Variants in PPP1R9B observed in about 807,000 individuals in gnomAD.
The protein encoded by PPP1R9B is protein phosphatase 1 regulatory subunit 9B.
A neutral mutation model predicts 75.8 loss-of-function variants in PPP1R9B; 17 were observed. That is an observed-to-expected ratio of 0.22 (90% CI 0.15 to 0.34). PPP1R9B has a LOEUF of 0.34. Ranked by LOEUF, PPP1R9B falls within the 10% of genes least tolerant of loss-of-function variation. The pLI is 1.00. For synonymous variants in PPP1R9B, 509 were observed against 535.4 expected (o/e 0.95, Z 0.68); for missense variants, 875 against 1,196.0 (o/e 0.73, Z 3.96).
rs1227347050 is a variant in PPP1R9B at position 50,150,267 on chromosome 17, C to T, written c.247G>A (p.Ala83Thr). ...EAGGGAGLAE[A>T]PRASERGVRL... is the part of the protein sequence containing the mutation. ...ACGCCGCGCTCGGACGCCCGTGGGG[C>T]CTCGGCCAGGCCCGCGCCGCCGCCC... The change falls in exon 1 of 10, where the codon GCC becomes ACC. Residue 83 changes from alanine to threonine, a missense_variant. Physicochemically the swap from Ala to Thr is moderately conservative, Grantham distance 58. Transcript: ENST00000612501. This position sits in a 1 kb window ranked among gnomAD's most constrained non-coding sequence, Gnocchi z 8.7. 7 of 1,439,130 alleles carry T rather than the reference C, an allele frequency of 4.9e-6. No homozygotes were observed. The highest frequency in any genetic ancestry group is 5.6e-5 in the Admixed American group (2 of 35,870). The allele number at this position is 1,439,130 out of a possible 1,614,324, so 89.1% of individuals were successfully genotyped here. A position where few individuals can be genotyped will look rare whatever the true frequency, so the allele number is the denominator to read the frequency against.
intron 2 of PPP1R9B, 43 bp from the exon 3 acceptor site, chr17:50,143,761 C>T (rs752123592): frequency 6.2e-7 from 1 of 1,611,402 alleles, no homozygotes; most frequent in South Asian, 1.1e-5. Context: ...TTGTAGGGGA[C>T]AGACGAGAGA....
Position 50,150,639 on chromosome 17 carries a change from C to T in PPP1R9B, c.-126G>A, listed in dbSNP as rs1912673838. On this transcript the variant is annotated 5_prime_UTR_variant, in exon 1 of 10. Coordinates refer to ENST00000612501, the MANE Select transcript of PPP1R9B (RefSeq NM_032595.5). The surrounding 1 kb of genome is among the most constrained non-coding windows in gnomAD (Gnocchi z 8.7). ...AACCCCGAAGGCCTTTTTTAGGGTC[C>T]CCCCAAAACCAAGCTGCCAAAAACA... The T allele has an allele frequency of 1.0e-6, 1 of 971,384 alleles. No individual in the cohort carries two copies. Among genetic ancestry groups the T allele is most frequent in the Admixed American group, 4.3e-5 (1 of 23,176 alleles). 60.2% of individuals were successfully genotyped at this position (971,384 alleles called of 1,614,324 possible). A position where few individuals can be genotyped will look rare whatever the true frequency, so the allele number is the denominator to read the frequency against.
At chr17:50,144,139 CCT>C (rs1471905624) in intron 2 of PPP1R9B, among the ~76,000 whole-genome samples, 6 of 152,094 alleles carry the variant, frequency 3.9e-5, no homozygotes, top group African/African-American at 1.4e-4. Context: ...TTTTCTCTCC[CCT>C]GAGGTCCATT....
chr17:50,146,458 T>C (rs1912521101), intron 1 of PPP1R9B, among the ~76,000 whole-genome samples: 1 of 152,150 alleles, frequency 6.6e-6, no homozygotes, highest in African/African-American at 2.4e-5. Flanking sequence ...AGGGCCCGTC[T>C]CCTCCAGGAG....
At position 50,140,133 on chromosome 17, in the gene PPP1R9B, A is replaced by G; in HGVS notation, c.1826T>C (p.Met609Thr). The G allele has an allele frequency of 1.2e-6, 2 of 1,613,486 alleles. No individual in the cohort carries two copies. Among genetic ancestry groups the G allele is most frequent in the Non-Finnish European group, 1.7e-6 (2 of 1,179,742 alleles). ...LEQERWQREM[M>T]EQRYAQYGED... ...CCCATACTGGGCGTATCTCTGCTCC[A>G]TCATCTCCCGCTGCCATCGCTCCTG... Residue 609 changes from methionine to threonine, a missense_variant, in exon 5 of 10, where the codon ATG becomes ACG. Met to Thr is a moderately conservative substitution (Grantham distance 81). Around this residue, in one of 4 missense-constraint regions of PPP1R9B, gnomAD observed 218 missense variants for 334.6 expected, o/e 0.65. Coordinates refer to ENST00000612501, the MANE Select transcript of PPP1R9B (RefSeq NM_032595.5).
Position 50,143,615 on chromosome 17 carries a change from C to T in PPP1R9B, c.1608G>A (p.Ala536=), listed in dbSNP as rs754230612. The change falls in exon 3 of 10, where the codon GCG becomes GCA. Residue 536 remains alanine (A), a synonymous_variant. Coordinates refer to ENST00000612501, the MANE Select transcript of PPP1R9B (RefSeq NM_032595.5). ...ATTGGTACCTGCCATCCCGATGGGCCGCACCACCCTCCGTCACGGTCTTGA... is the reference window on the plus strand; with the variant it reads ...ATTGGTACCTGCCATCCCGATGGGCTGCACCACCCTCCGTCACGGTCTTGA... The part of the protein sequence containing the change: ...IFVKTVTEGG[A]AHRDGRIQVN... The T allele has an allele frequency of 4.0e-5, 65 of 1,613,856 alleles. No homozygotes were observed. In the Admixed American group the frequency reaches 9.7e-4, roughly 24 times the overall value.
rs779901112 is a variant in PPP1R9B at position 50,135,859 on chromosome 17, C to T, written c.2303+109G>A. On this transcript the variant is annotated intron_variant, in intron 8 of 9. Coordinates refer to ENST00000612501, the MANE Select transcript of PPP1R9B (RefSeq NM_032595.5). ...CGGACCGGGTGTCCCCACCATGGGGCCCTCCAACTTCTGTGCCTCCCTACT... is the reference window on the plus strand; with the variant it reads ...CGGACCGGGTGTCCCCACCATGGGGTCCTCCAACTTCTGTGCCTCCCTACT... The T allele has an allele frequency of 7.4e-4, 708 of 955,016 alleles. 1 individual carries two copies. Among genetic ancestry groups the T allele is most frequent in the Non-Finnish European group, 9.6e-4 (619 of 644,454 alleles). 59.2% of individuals were successfully genotyped at this position (955,016 alleles called of 1,614,324 possible). A position where few individuals can be genotyped will look rare whatever the true frequency, so the allele number is the denominator to read the frequency against.
chr17:50,141,077 C>G (rs1407368701), intron 4 of PPP1R9B, among the ~76,000 whole-genome samples, 192 bp downstream of exon 4: 1 of 152,086 alleles, frequency 6.6e-6, no homozygotes, highest in Non-Finnish European at 1.5e-5. Context: ...CCAGCTGTTG[C>G]CAGGGAGCTG....
intron 8 of PPP1R9B, 97 bp from the exon 9 acceptor site, chr17:50,135,746 C>T: frequency 8.8e-7 from 1 of 1,136,084 alleles, no homozygotes; most frequent in Non-Finnish European, 1.3e-6. Context: ...GCAACTCTGT[C>T]CTTCCCTGTT....
In PPP1R9B at chr17:50,149,035, G is replaced by A; in HGVS notation, c.1371+108C>T. 1 of 756,058 alleles carries A rather than the reference G, an allele frequency of 1.3e-6. No individual in the cohort carries two copies. Among genetic ancestry groups the A allele is most frequent in the Non-Finnish European group, 2.0e-6 (1 of 509,436 alleles). 46.8% of individuals were successfully genotyped at this position (756,058 alleles called of 1,614,324 possible). On this transcript the variant is annotated intron_variant, in intron 1 of 9. Coordinates refer to ENST00000612501, the MANE Select transcript of PPP1R9B (RefSeq NM_032595.5). This position sits in a 1 kb window ranked among gnomAD's most constrained non-coding sequence, Gnocchi z 7.2. ...GAACTTCTGGGAAGGGGGCTGGGTGGCAGGGGCTGACTCAGCCTGCCAAAC... is the reference window on the plus strand; with the variant it reads ...GAACTTCTGGGAAGGGGGCTGGGTGACAGGGGCTGACTCAGCCTGCCAAAC...
In PPP1R9B at chr17:50,149,509, C is replaced by T. The variant is rs1257075049; in HGVS notation, c.1005G>A (p.Val335=). The change falls in exon 1 of 10, where the codon GTG becomes GTA. Residue 335 remains valine, a synonymous_variant. Coordinates refer to ENST00000612501, the MANE Select transcript of PPP1R9B (RefSeq NM_032595.5). The surrounding 1 kb of genome is among the most constrained non-coding windows in gnomAD (Gnocchi z 7.2). ...VHAALENGST[V]ATAASPAPEE... is the part of the protein sequence containing the mutation. ...CGGGCGCGGGGCTGGCTGCAGTTGC[C>T]ACGGTGCTGCCATTCTCCAGGGCCG... 6.3e-7 allele frequency: 1 copy of T among 1,595,092 alleles called. No homozygotes were observed. The highest frequency in any genetic ancestry group is 8.5e-7 in the Non-Finnish European group (1 of 1,172,386).
intron 7 of PPP1R9B, among the ~76,000 whole-genome samples, chr17:50,138,892 T>A (rs966992549): frequency 1.3e-5 from 2 of 152,242 alleles, no homozygotes; most frequent in Non-Finnish European, 2.9e-5. Flanking sequence ...AGTGCTGAGA[T>A]TACAGGCATG....
intron 4 of PPP1R9B, 159 bp from the exon 5 acceptor site, chr17:50,140,387 T>C (rs1401867766): frequency 1.1e-6 from 1 of 937,238 alleles, no homozygotes; most frequent in Non-Finnish European, 1.6e-6. Flanking sequence ...AATGGGGGAA[T>C]GAGGGCCCTT....
chr17:50,135,939 CCCAG>C, intron 8 of PPP1R9B, 25 bp downstream of exon 8: 9 of 1,335,558 alleles, frequency 6.7e-6, no homozygotes, highest in South Asian at 1.3e-5. Flanking sequence ...GCTCCCTGGG[CCCAG>C]CCCGCCCAGC....
rs1350680231 is a variant in PPP1R9B, at chr17:50,143,712, T to C, written c.1511A>G (p.Glu504Gly). ...LFPVELEKDS[E>G]GLGISIIGMG... ...GCCGATGATGCTGATGCCCAGGCCC[T>C]CGGAGTCTGTGGAACAGAGAGTGGT... Residue 504 changes from glutamate (E) to glycine (G), a missense_variant, in exon 3 of 10, where the codon GAG (glutamate) becomes GGG (glycine). Physicochemically the swap from Glu to Gly is moderately conservative, Grantham distance 98. Coordinates refer to ENST00000612501, the MANE Select transcript of PPP1R9B (RefSeq NM_032595.5). 6.2e-7 allele frequency: 1 copy of C among 1,613,704 alleles called. No homozygotes were observed. Among genetic ancestry groups the C allele is most frequent in the Admixed American group, 1.7e-5 (1 of 60,006 alleles).
rs368528824 is a variant in PPP1R9B at position 50,139,195 on chromosome 17, G to A, written c.2073+68C>T. 205 of 1,577,606 alleles carry A rather than the reference G, an allele frequency of 1.3e-4. No individual in the cohort carries two copies. Among genetic ancestry groups the A allele is most frequent in the Non-Finnish European group, 1.6e-4 (187 of 1,147,000 alleles). The stretch of plus-strand genomic sequence containing the variant: ...AAGTGTCAGCATGTGCAGGTGTGAG[G>A]GTAGGGGGACCCTGCTCCTCAACAC... On this transcript the variant is annotated intron_variant, in intron 7 of 9. Coordinates refer to ENST00000612501, the MANE Select transcript of PPP1R9B (RefSeq NM_032595.5). The surrounding 1 kb of genome is among the most constrained non-coding windows in gnomAD (Gnocchi z 5.0).
rs200456485 is a variant in PPP1R9B, at chr17:50,149,421, C to A, written c.1093G>T (p.Gly365Trp). 4 of 1,610,378 alleles carry A rather than the reference C, an allele frequency of 2.5e-6. No homozygotes were observed. The South Asian group carries it at 4.4e-5, about 18-fold the overall frequency. Residue 365 changes from glycine to tryptophan, a missense_variant, in exon 1 of 10, where the codon GGG becomes TGG. Around this residue, in one of 4 missense-constraint regions of PPP1R9B, gnomAD observed 449 missense variants for 475.0 expected, o/e 0.95. Transcript: ENST00000612501. The surrounding 1 kb of genome is among the most constrained non-coding windows in gnomAD (Gnocchi z 7.2). ...EAAAVAPPER[G>W]VGNGRAPDVA... is the part of the protein sequence containing the mutation. ...TCCGGGGCCCGGCCATTGCCCACCC[C>A]CCTCTCTGGCGGCGCTACCGCCGCC...
chr17:50,141,202 A>G lies in PPP1R9B; in HGVS notation c.1730+67T>C. 4 of 1,024,184 alleles carry G rather than the reference A, an allele frequency of 3.9e-6. No homozygotes were observed. In the South Asian group the frequency reaches 5.6e-5, roughly 14 times the overall value. 63.4% of individuals were successfully genotyped at this position (1,024,184 alleles called of 1,614,324 possible). On this transcript the variant is annotated intron_variant, in intron 4 of 9. Coordinates refer to ENST00000612501, the MANE Select transcript of PPP1R9B (RefSeq NM_032595.5). ...CAGAACCTTAACTGGCTGTTAAGGC[A>G]GGTGAACGGAGTGCCTGGACGAGGA...
chr17:50,138,199 A>G (rs1196486056), intron 7 of PPP1R9B, among the ~76,000 whole-genome samples: 2 of 143,990 alleles, frequency 1.4e-5, no homozygotes, highest in East Asian at 2.1e-4. Context: ...TGTGTGTGCC[A>G]CGTGTCTCCA....
Sources: allele counts gnomAD v4.1 joint callset (sites outside exome capture counted in the v4.1 genomes callset), GRCh38; gene constraint gnomAD v4.1.1; regional missense constraint gnomAD v4.1.1; non-coding constraint Gnocchi (gnomAD v3.1); transcripts MANE v1.5; gene names NCBI Gene and HGNC (gene_info 2026-07-23, HGNC 2026-07-21).